Variants in CPEB3 observed in about 807,000 individuals in gnomAD.
The protein encoded by CPEB3 is cytoplasmic polyadenylation element-binding protein 3.
In CPEB3, 20 loss-of-function variants were observed where a neutral mutation model predicts 67.2. That is an observed-to-expected ratio of 0.30 (90% CI 0.21 to 0.43). The LOEUF is 0.43. Ranked by LOEUF, CPEB3 falls within the 20% of genes least tolerant of loss-of-function variation. CPEB3 has a pLI of 1.00. For synonymous variants in CPEB3, 376 were observed against 393.1 expected, an observed-to-expected ratio of 0.96 and a Z score of 0.51; for missense variants, 746 against 968.6, an observed-to-expected ratio of 0.77 and a Z score of 3.05.
At chr10:92,055,578 G>A (rs770848440) in intron 9 of CPEB3, among the ~76,000 whole-genome samples, 2 of 151,848 alleles carry the variant, frequency 1.3e-5, no homozygotes, top group Non-Finnish European at 2.9e-5. Flanking sequence ...TTTTTCTGTC[G>A]GCCCCCTTCA....
chr10:92,095,634 GTATA>G (rs1489473826), intron 7 of CPEB3, among the ~76,000 whole-genome samples: 1 of 138,606 alleles, frequency 7.2e-6, no homozygotes, highest in African/African-American at 2.7e-5. Context: ...TATATATTGC[GTATA>G]TATATAATAT....
chr10:92,061,419 CAAAAAAAAA>C (rs148327302), intron 9 of CPEB3, among the ~76,000 whole-genome samples: 1 of 93,348 alleles, frequency 1.1e-5, no homozygotes, highest in African/African-American at 4.0e-5. Context: ...AATTCTGTCT[CAAAAAAAAA>C]AAAAAAAAAA....
At chr10:92,196,086 G>A (rs1192873549) in intron 2 of CPEB3, among the ~76,000 whole-genome samples, 2 of 152,180 alleles carry the variant, frequency 1.3e-5, no homozygotes, top group East Asian at 3.8e-4. Context: ...AAAATCACAT[G>A]TAGAGCCGAT....
chr10:92,146,776 T>C (rs577250756), intron 4 of CPEB3, among the ~76,000 whole-genome samples: 2 of 152,318 alleles, frequency 1.3e-5, no homozygotes, highest in Admixed American at 6.5e-5. Context: ...TTTTTTAGCC[T>C]GGCAGCAACA....
At chr10:92,234,264 C>A (rs1218633425) in intron 2 of CPEB3, among the ~76,000 whole-genome samples, 2 of 152,078 alleles carry the variant, frequency 1.3e-5, no homozygotes, top group African/African-American at 4.8e-5. Flanking sequence ...GGGTAAGTCA[C>A]TTCCTATTTT....
intron 4 of CPEB3, among the ~76,000 whole-genome samples, chr10:92,164,237 A>G (rs1430306424): frequency 6.6e-6 from 1 of 152,206 alleles, no homozygotes; most frequent in East Asian, 1.9e-4. Context: ...CCAAAGTTAT[A>G]CAGCTACTAA....
chr10:92,175,012 T>C, intron 4 of CPEB3, among the ~76,000 whole-genome samples: 1 of 152,032 alleles, frequency 6.6e-6, no homozygotes, highest in East Asian at 1.9e-4. Context: ...AGAGTAAATA[T>C]CCTAACTGCC....
rs148049796 is a variant in CPEB3, at chr10:92,241,113, C to T, written c.-11-752G>A. On this transcript the variant is annotated intron_variant, in intron 1 of 9. Transcript: ENST00000265997. ...CTACTGAAACGTTTGGAAGTGCTTGCTTCTTGTTACTCTAAGGATTATGGT... is the reference window on the plus strand; with the variant it reads ...CTACTGAAACGTTTGGAAGTGCTTGTTTCTTGTTACTCTAAGGATTATGGT... 1.8e-3 allele frequency among the ~76,000 whole-genome samples: 274 copies of T among 152,268 alleles called. 1 individual carries two copies. The highest frequency in any genetic ancestry group is 6.4e-3 in the African/African-American group (266 of 41,538).
chr10:92,153,862 A>G (rs1847079995), intron 4 of CPEB3, among the ~76,000 whole-genome samples: 2 of 152,188 alleles, frequency 1.3e-5, no homozygotes, highest in Admixed American at 1.3e-4. Flanking sequence ...GACCATAAAA[A>G]CTCATACTCA....
intron 2 of CPEB3, among the ~76,000 whole-genome samples, chr10:92,235,493 C>T (rs752515463): frequency 6.6e-6 from 1 of 152,096 alleles, no homozygotes; most frequent in Non-Finnish European, 1.5e-5. Flanking sequence ...CATGCAAAGC[C>T]TATGGTCACC....
intron 6 of CPEB3, chr10:92,137,155 C>A: frequency 5.5e-6 from 2 of 360,852 alleles, no homozygotes; most frequent in Non-Finnish European, 1.1e-5. Flanking sequence ...AAAGGCTACC[C>A]ACACCTTGGT....
chr10:92,052,553 T>A, intron 9 of CPEB3, 114 bp from the exon 10 acceptor site: 1 of 835,672 alleles, frequency 1.2e-6, no homozygotes, highest in Non-Finnish European at 1.9e-6. Flanking sequence ...GACGCTGCTT[T>A]CAACTCTGCT....
chr10:92,218,813 C>CT (rs890170088), intron 2 of CPEB3, among the ~76,000 whole-genome samples: 42 of 147,536 alleles, frequency 2.8e-4, no homozygotes, highest in Admixed American at 5.4e-4. Flanking sequence ...CCCACCTTTT[C>CT]TTTTTTTTTT....
intron 2 of CPEB3, among the ~76,000 whole-genome samples, chr10:92,202,027 A>G (rs1056226943): frequency 1.3e-5 from 2 of 152,176 alleles, no homozygotes; most frequent in African/African-American, 4.8e-5. Flanking sequence ...TGATGAATTC[A>G]TCTTGCAAGA....
chr10:92,245,502 A>G (rs1210498057), intron 1 of CPEB3, among the ~76,000 whole-genome samples: 1 of 152,142 alleles, frequency 6.6e-6, no homozygotes, highest in African/African-American at 2.4e-5. Flanking sequence ...AGTTTGAATG[A>G]ATCCACCAAA....
rs191581463 is a variant in CPEB3, at chr10:92,092,531, G to C, written c.1573-587C>G. On this transcript the variant is annotated intron_variant, in intron 7 of 9. Transcript: ENST00000265997. ...ATGGTGGCTCACACCTGTAATTCCA[G>C]CACTTTGGGAGGCTGAGGCAGGTGG... is the stretch of plus-strand genomic sequence containing the variant. Among the ~76,000 whole-genome samples, 119 of 152,290 alleles carry C rather than the reference G, an allele frequency of 7.8e-4. 1 individual carries two copies. Among genetic ancestry groups the C allele is most frequent in the African/African-American group, 2.6e-3 (110 of 41,578 alleles).
At chr10:92,223,575 T>TC (rs1444529623) in intron 2 of CPEB3, among the ~76,000 whole-genome samples, 3 of 135,620 alleles carry the variant, frequency 2.2e-5, no homozygotes, top group African/African-American at 8.2e-5. Flanking sequence ...TTCTTTTTTT[T>TC]TTTTTTTTTT....
intron 2 of CPEB3, among the ~76,000 whole-genome samples, chr10:92,194,157 T>C (rs1849119907): frequency 6.6e-6 from 1 of 150,624 alleles, no homozygotes; most frequent in Admixed American, 6.6e-5. Context: ...AAAATAAAAA[T>C]GTGGCCAGGC....
At chr10:92,175,484 T>C (rs1055483201) in intron 4 of CPEB3, among the ~76,000 whole-genome samples, 4 of 152,074 alleles carry the variant, frequency 2.6e-5, no homozygotes, top group African/African-American at 9.7e-5. Context: ...CATATGATAG[T>C]TGTATGTTTA....
Sources: allele counts gnomAD v4.1 joint callset (sites outside exome capture counted in the v4.1 genomes callset), GRCh38; gene constraint gnomAD v4.1.1; transcripts MANE v1.5; gene names NCBI Gene and HGNC (gene_info 2026-07-23, HGNC 2026-07-21).